Variants in PTPRK observed in about 807,000 individuals in gnomAD.
The protein encoded by PTPRK is protein tyrosine phosphatase receptor type K.
A neutral mutation model predicts 178.0 loss-of-function variants in PTPRK; 75 were observed. The observed-to-expected ratio is 0.42, with a 90% CI of 0.35 to 0.51. The LOEUF (loss-of-function observed/expected upper bound fraction) is 0.51. PTPRK is among the 20% of genes least tolerant of loss of function. The probability of loss-of-function intolerance (pLI) is 0.02; values close to 1 mark genes in which losing one functional copy is unlikely to be tolerated. For synonymous variants in PTPRK, 637 were observed against 620.6 expected (o/e 1.03, Z -0.39); for missense variants, 1,441 against 1,797.8 (o/e 0.80, Z 3.59).
At chr6:128,198,295 TC>T (rs1805281955) in intron 6 of PTPRK, among the ~76,000 whole-genome samples, 1 of 152,328 alleles carries the variant, frequency 6.6e-6, no homozygotes. Context: ...TCATGATCTG[TC>T]CCCTGCTCAT....
At chr6:127,975,502 G>A (rs1173994529) in intron 27 of PTPRK, among the ~76,000 whole-genome samples, 2 of 152,084 alleles carry the variant, frequency 1.3e-5, no homozygotes, top group African/African-American at 4.8e-5. Flanking sequence ...TGATATGAGA[G>A]ACACTGAAAC....
chr6:128,266,871 G>A (rs1819034422), intron 3 of PTPRK, among the ~76,000 whole-genome samples: 1 of 152,110 alleles, frequency 6.6e-6, no homozygotes, highest in Non-Finnish European at 1.5e-5. Flanking sequence ...GAAGTGGGAT[G>A]TGAAGGAGGA....
At chr6:128,426,463 T>C (rs1844154085) in intron 1 of PTPRK, among the ~76,000 whole-genome samples, 1 of 152,216 alleles carries the variant, frequency 6.6e-6, no homozygotes, top group African/African-American at 2.4e-5. Context: ...GACCTTATCA[T>C]TGTATTCTTC....
intron 1 of PTPRK, among the ~76,000 whole-genome samples, chr6:128,444,484 T>C (rs747792624): frequency 3.4e-4 from 52 of 152,268 alleles, no homozygotes; most frequent in Non-Finnish European, 6.5e-4. Context: ...GTCCATGCTG[T>C]ATTCAGAAGT....
At chr6:128,100,845 C>G (rs1016369491) in intron 7 of PTPRK, among the ~76,000 whole-genome samples, 2 of 151,736 alleles carry the variant, frequency 1.3e-5, no homozygotes, top group Non-Finnish European at 3.0e-5. Flanking sequence ...TTTATAGTGG[C>G]CTTAGAAGAA....
At chr6:128,508,182 G>A (rs1024437974) in intron 1 of PTPRK, among the ~76,000 whole-genome samples, 1 of 152,078 alleles carries the variant, frequency 6.6e-6, no homozygotes, top group Non-Finnish European at 1.5e-5. Flanking sequence ...CTAGATGTGG[G>A]CAGCGATGCA....
At chr6:128,189,103 C>T (rs1803272445) in intron 6 of PTPRK, among the ~76,000 whole-genome samples, 1 of 152,118 alleles carries the variant, frequency 6.6e-6, no homozygotes, top group South Asian at 2.1e-4. Context: ...ATTTCAACTC[C>T]ACTTTTTCTC....
intron 7 of PTPRK, among the ~76,000 whole-genome samples, chr6:128,102,731 T>C (rs889755931): frequency 8.5e-5 from 13 of 152,148 alleles, no homozygotes; most frequent in African/African-American, 3.1e-4. Context: ...CTACCAAATA[T>C]TTCAACTTAA....
intron 1 of PTPRK, among the ~76,000 whole-genome samples, chr6:128,496,821 G>A (rs1450629180): frequency 1.3e-5 from 2 of 152,174 alleles, no homozygotes; most frequent in Non-Finnish European, 2.9e-5. Flanking sequence ...ATTTTCAGGT[G>A]TGGCTTTTAG....
At chr6:128,056,382 CTGT>C in intron 13 of PTPRK, among the ~76,000 whole-genome samples, 1 of 151,892 alleles carries the variant, frequency 6.6e-6, no homozygotes, top group Admixed American at 6.6e-5. Flanking sequence ...CTTAATCTTT[CTGT>C]TGTTTTCTTT....
At chr6:128,053,364 T>C (rs1176918641) in intron 13 of PTPRK, among the ~76,000 whole-genome samples, 1 of 152,074 alleles carries the variant, frequency 6.6e-6, no homozygotes, top group Non-Finnish European at 1.5e-5. Flanking sequence ...TTCACACACC[T>C]AGACTGATAA....
chr6:128,239,913 C>T (rs1392857108), intron 5 of PTPRK, 122 bp downstream of exon 5: 4 of 624,938 alleles, frequency 6.4e-6, no homozygotes, highest in Non-Finnish European at 1.1e-5. Context: ...GCCTGTCCCA[C>T]TACATGCGTG....
At chr6:127,976,147 G>A (rs1246906663) in intron 27 of PTPRK, among the ~76,000 whole-genome samples, 3 of 152,120 alleles carry the variant, frequency 2.0e-5, no homozygotes, top group East Asian at 1.9e-4. Context: ...AGGTTGAGAC[G>A]TTTAGGAAGA....
chr6:128,429,720 C>T (rs1384366061), intron 1 of PTPRK, among the ~76,000 whole-genome samples: 1 of 152,048 alleles, frequency 6.6e-6, no homozygotes, highest in Admixed American at 6.6e-5. Flanking sequence ...AAAAGAAAAT[C>T]CTAGAGGCTC....
intron 2 of PTPRK, among the ~76,000 whole-genome samples, chr6:128,343,573 G>A (rs1831982258): frequency 6.6e-6 from 1 of 150,818 alleles, no homozygotes. Context: ...AGGCTTTCTA[G>A]CATTTAAAGA....
intron 3 of PTPRK, among the ~76,000 whole-genome samples, chr6:128,272,524 CA>C (rs1562177509): frequency 6.6e-5 from 10 of 152,094 alleles, no homozygotes; most frequent in Admixed American, 5.9e-4. Flanking sequence ...AAAAATCAAA[CA>C]ATCTCATCAA....
intron 1 of PTPRK, among the ~76,000 whole-genome samples, chr6:128,432,970 C>A (rs1845030706): frequency 6.6e-6 from 1 of 151,866 alleles, no homozygotes; most frequent in African/African-American, 2.4e-5. Context: ...CTTTATTATT[C>A]AATTCCCTTT....
chr6:128,257,346 G>A (rs2128292000), intron 3 of PTPRK, among the ~76,000 whole-genome samples: 1 of 152,126 alleles, frequency 6.6e-6, no homozygotes, highest in African/African-American at 2.4e-5. Flanking sequence ...TTTTGAAGGT[G>A]TTGTAATGCC....
chr6:128,271,378 C>A (rs2128297600), intron 3 of PTPRK, among the ~76,000 whole-genome samples: 1 of 152,164 alleles, frequency 6.6e-6, no homozygotes, highest in Non-Finnish European at 1.5e-5. Flanking sequence ...AGACATGGTC[C>A]TCCTTGGTTC....
Sources: gnomAD v4.1 joint callset for allele counts (sites outside exome capture counted in the v4.1 genomes callset) on GRCh38, gnomAD v4.1.1 for gene constraint, MANE v1.5 for transcripts, NCBI Gene and HGNC (gene_info 2026-07-23, HGNC 2026-07-21) for gene names.